Variants in EYS observed in about 807,000 individuals in gnomAD.
EYS encodes the protein EGF-like photoreceptor maintenance factor, also known as protein eyes shut homolog.
Under a neutral mutation model 282.1 loss-of-function variants are expected in EYS, and 250 were observed. The ratio of observed to expected loss-of-function variants is 0.89; its 90% CI spans 0.80 to 0.98. The LOEUF (loss-of-function observed/expected upper bound fraction) is 0.98. EYS is among the 50% of genes least tolerant of loss of function. The pLI is 0.00. For synonymous variants in EYS, 1,355 were observed against 1,282.9 expected, an observed-to-expected ratio of 1.06 and a Z score of -1.20; for missense variants, 4,016 against 3,709.0, an observed-to-expected ratio of 1.08 and a Z score of -2.15.
At chr6:64,987,322 T>C (rs143957023) in intron 14 of EYS, among the ~76,000 whole-genome samples, 47 of 151,688 alleles carry the variant, frequency 3.1e-4, no homozygotes, top group African/African-American at 1.1e-3. Flanking sequence ...ACTGTGGCTA[T>C]GCACAGTCCA....
At chr6:64,890,304 C>T (rs568577354) in intron 18 of EYS, among the ~76,000 whole-genome samples, 8 of 152,130 alleles carry the variant, frequency 5.3e-5, no homozygotes, top group Non-Finnish European at 1.0e-4. Context: ...TTGTGATATT[C>T]TATTACCTTG....
At chr6:64,894,403 C>T (rs771807062) in intron 18 of EYS, among the ~76,000 whole-genome samples, 3 of 152,072 alleles carry the variant, frequency 2.0e-5, no homozygotes, top group Admixed American at 6.6e-5. Context: ...GACTGATTCA[C>T]AGATATCTAT....
chr6:65,475,116 T>C (rs1228296449), intron 5 of EYS, among the ~76,000 whole-genome samples: 3 of 152,008 alleles, frequency 2.0e-5, no homozygotes, highest in Admixed American at 6.6e-5. Flanking sequence ...GTGTCTCTTG[T>C]GGGAAAACTA....
chr6:64,158,161 A>G (rs915867707), intron 31 of EYS, among the ~76,000 whole-genome samples: 3 of 152,292 alleles, frequency 2.0e-5, no homozygotes, highest in South Asian at 2.1e-4. Flanking sequence ...CACAGTACCT[A>G]TCAGCTTTTA....
chr6:64,409,738 G>T (rs1422899519), intron 28 of EYS, among the ~76,000 whole-genome samples: 10 of 152,110 alleles, frequency 6.6e-5, no homozygotes, highest in African/African-American at 2.4e-4. Flanking sequence ...CATGGTTTTT[G>T]TTCAGGGAAG....
chr6:64,390,303 GC>G (rs547930650), intron 28 of EYS, among the ~76,000 whole-genome samples: 52 of 152,308 alleles, frequency 3.4e-4, no homozygotes, highest in Admixed American at 2.8e-3. Context: ...GCCTCTGTAG[GC>G]TCCACCTCTG....
intron 5 of EYS, among the ~76,000 whole-genome samples, chr6:65,487,185 C>T (rs1050915142): frequency 1.3e-5 from 2 of 152,144 alleles, no homozygotes; most frequent in African/African-American, 2.4e-5. Context: ...TGCCTGATTG[C>T]CCTGGCCAGA....
At chr6:64,821,571 C>T (rs1764900325) in intron 21 of EYS, 74 bp downstream of exon 21, 1 of 755,000 alleles carries the variant, frequency 1.3e-6, no homozygotes, top group East Asian at 2.9e-5. Flanking sequence ...ACTCTGAAAC[C>T]TACAGCAAGC....
chr6:65,536,559 A>C lies in EYS; in HGVS notation c.-332-40566T>G, dbSNP rs369069067. Among the ~76,000 whole-genome samples the C allele has an allele frequency of 2.2e-4, 33 of 152,250 alleles. No homozygotes were observed. In the East Asian group the frequency reaches 6.4e-3, roughly 29 times the overall value. ...CTGATGTGGTTTGCAGAGCCTTCAAACTTCTGGTTTTAATGCTATAGTGCA... is the reference window on the plus strand; with the variant it reads ...CTGATGTGGTTTGCAGAGCCTTCAACCTTCTGGTTTTAATGCTATAGTGCA... On this transcript the variant is annotated intron_variant, in intron 2 of 42. Transcript: ENST00000503581.
At chr6:65,528,187 C>T (rs1767639640) in intron 2 of EYS, among the ~76,000 whole-genome samples, 2 of 152,026 alleles carry the variant, frequency 1.3e-5, no homozygotes, top group Non-Finnish European at 2.9e-5. Flanking sequence ...TCAAAATGTC[C>T]ATATTGTGGA....
At position 63,908,012 on chromosome 6, in the gene EYS, G is replaced by GTGTATATATATATA. The variant is rs1491193336; in HGVS notation, c.7056-43655_7056-43654insTATATATATATACA. ...TACACACACACACACACACACAAAC[G>GTGTATATATATATA]TATATATATATATATATATACGTTT... On this transcript the variant is annotated intron_variant, in intron 35 of 42. Transcript: ENST00000503581. Among the ~76,000 whole-genome samples the GTGTATATATATATA allele has an allele frequency of 3.7e-3, 480 of 131,152 alleles. 6 individuals carry two copies. The highest frequency in any genetic ancestry group is 7.5e-3 in the African/African-American group (261 of 34,710). The allele number at this position is 131,152 out of a possible 152,430, so 86.0% of individuals were successfully genotyped here.
intron 33 of EYS, among the ~76,000 whole-genome samples, chr6:64,047,781 T>C (rs1770678048): frequency 6.6e-6 from 1 of 152,214 alleles, no homozygotes; most frequent in South Asian, 2.1e-4. Context: ...ACAAACTACG[T>C]GTCCCTACTG....
chr6:64,865,185 C>A (rs931659039), intron 19 of EYS, among the ~76,000 whole-genome samples: 5 of 152,058 alleles, frequency 3.3e-5, no homozygotes, highest in Non-Finnish European at 5.9e-5. Flanking sequence ...ACAAAAATAT[C>A]TTTCTACTTT....
At chr6:63,993,705 A>G (rs1002754409) in intron 34 of EYS, among the ~76,000 whole-genome samples, 20 of 152,044 alleles carry the variant, frequency 1.3e-4, no homozygotes, top group Admixed American at 4.6e-4. Flanking sequence ...ATGGAACATC[A>G]ATAAAATGTC....
intron 35 of EYS, among the ~76,000 whole-genome samples, chr6:63,943,039 T>G (rs1765289803): frequency 6.6e-6 from 1 of 152,224 alleles, no homozygotes; most frequent in Non-Finnish European, 1.5e-5. Flanking sequence ...TGTTAACTGT[T>G]TATGTTATTG....
intron 19 of EYS, among the ~76,000 whole-genome samples, chr6:64,861,020 A>G (rs778270145): frequency 6.6e-6 from 1 of 152,168 alleles, no homozygotes; most frequent in Non-Finnish European, 1.5e-5. Flanking sequence ...TCCGGTCTAC[A>G]GTACTGACAA....
chr6:63,977,167 T>C (rs988112156), intron 35 of EYS, among the ~76,000 whole-genome samples: 2 of 151,866 alleles, frequency 1.3e-5, no homozygotes, highest in Admixed American at 6.6e-5. Flanking sequence ...ATACAAATTA[T>C]GTATAATAAA....
chr6:65,192,471 T>A (rs1031623909), intron 12 of EYS, among the ~76,000 whole-genome samples: 7 of 151,750 alleles, frequency 4.6e-5, no homozygotes, highest in Non-Finnish European at 7.4e-5. Context: ...AGGACTATAA[T>A]TTTTTACAAA....
At chr6:65,629,267 G>C (rs10455189) in intron 2 of EYS, among the ~76,000 whole-genome samples, 54,073 of 151,980 alleles carry the variant, frequency 0.36, 12,008 homozygotes, top group Non-Finnish European at 0.49. Flanking sequence ...CAGAAGTTAT[G>C]ACACACACAC....
Sources: gnomAD v4.1 joint callset for allele counts (sites outside exome capture counted in the v4.1 genomes callset) on GRCh38, gnomAD v4.1.1 for gene constraint, MANE v1.5 for transcripts, NCBI Gene and HGNC (gene_info 2026-07-23, HGNC 2026-07-21) for gene names.